Variants in GFRA1 observed in about 807,000 individuals in gnomAD.
GFRA1 encodes GDNF family receptor alpha 1.
A neutral mutation model predicts 51.6 loss-of-function variants in GFRA1; 16 were observed. The observed-to-expected ratio is 0.31, with a 90% CI of 0.21 to 0.47. The LOEUF (loss-of-function observed/expected upper bound fraction) is 0.47, where lower values mean the gene tolerates loss of function less well. Ranked by LOEUF, GFRA1 falls within the 20% of genes least tolerant of loss-of-function variation. The pLI, the probability that GFRA1 is intolerant of heterozygous loss-of-function variation, is 1.00. For synonymous variants in GFRA1, 270 were observed against 241.3 expected (o/e 1.12, Z -1.10); for missense variants, 530 against 594.3 (o/e 0.89, Z 1.13).
chr10:116,222,231 C>T (rs569667650), intron 4 of GFRA1, among the ~76,000 whole-genome samples: 2 of 152,170 alleles, frequency 1.3e-5, no homozygotes, highest in South Asian at 4.2e-4. Flanking sequence ...TAAAGTCTTG[C>T]CCTGTCGCCC....
At chr10:116,239,321 C>T (rs984720355) in intron 4 of GFRA1, among the ~76,000 whole-genome samples, 20 of 152,212 alleles carry the variant, frequency 1.3e-4, no homozygotes, top group African/African-American at 4.6e-4. Context: ...GAAATTCAAG[C>T]GGGGCTTTGC....
intron 5 of GFRA1, among the ~76,000 whole-genome samples, chr10:116,155,149 A>G (rs1959176308): frequency 1.3e-5 from 2 of 152,164 alleles, no homozygotes; most frequent in African/African-American, 4.8e-5. Context: ...ACTCATGACA[A>G]TCCTATGGTT....
chr10:116,130,340 T>G (rs560545251), intron 5 of GFRA1, among the ~76,000 whole-genome samples: 1 of 152,180 alleles, frequency 6.6e-6, no homozygotes, highest in Admixed American at 6.5e-5. Flanking sequence ...GCCAATTTTT[T>G]AAACTCATAT....
intron 5 of GFRA1, among the ~76,000 whole-genome samples, chr10:116,144,042 TGCATCTGACTCCCACATAG>T (rs1477343851): frequency 6.6e-6 from 1 of 152,172 alleles, no homozygotes; most frequent in Non-Finnish European, 1.5e-5. Context: ...CTGGGGAGCT[TGCATCTGACTCCCACATAG>T]ACTGATTTAG....
At chr10:116,131,860 T>C (rs1314536294) in intron 5 of GFRA1, among the ~76,000 whole-genome samples, 3 of 137,424 alleles carry the variant, frequency 2.2e-5, no homozygotes, top group South Asian at 2.2e-4. Flanking sequence ...AACTCAGAGA[T>C]AGTATGCTTA....
chr10:116,225,134 A>C (rs2134521023), intron 4 of GFRA1, among the ~76,000 whole-genome samples: 1 of 152,314 alleles, frequency 6.6e-6, no homozygotes, highest in South Asian at 2.1e-4. Context: ...GTGAGTGGGA[A>C]TTGTAATATG....
At chr10:116,241,518 T>C (rs1235525414) in intron 4 of GFRA1, among the ~76,000 whole-genome samples, 1 of 152,182 alleles carries the variant, frequency 6.6e-6, no homozygotes, top group Non-Finnish European at 1.5e-5. Context: ...AAGTGGTAGC[T>C]CGATGAGCAT....
chr10:116,106,936 T>C (rs1957029325), intron 6 of GFRA1, among the ~76,000 whole-genome samples: 1 of 152,196 alleles, frequency 6.6e-6, no homozygotes, highest in Admixed American at 6.5e-5. Context: ...TCTCTTGCTC[T>C]GGCTCTTGCC....
chr10:116,179,821 C>T lies in GFRA1; in HGVS notation c.433+31810G>A, dbSNP rs766661487. Among the ~76,000 whole-genome samples, 11 of 152,264 alleles carry T rather than the reference C, an allele frequency of 7.2e-5. No individual in the cohort carries two copies. The Middle Eastern group carries it at 0.014, about 188-fold the overall frequency. On this transcript the variant is annotated intron_variant, in intron 5 of 10. Transcript: ENST00000355422. ...TGAAGAATCAGCAGGGCTTTGGAAG[C>T]GAGCAGATGCTGTATACAGAGATGC...
intron 6 of GFRA1, among the ~76,000 whole-genome samples, chr10:116,103,621 A>G (rs1223984452): frequency 6.6e-6 from 1 of 152,222 alleles, no homozygotes; most frequent in East Asian, 1.9e-4. Flanking sequence ...AGGACTAAAT[A>G]TCAGTAAGTT....
At chr10:116,197,383 C>G (rs1963971219) in intron 5 of GFRA1, among the ~76,000 whole-genome samples, 1 of 152,144 alleles carries the variant, frequency 6.6e-6, no homozygotes, top group Admixed American at 6.5e-5. Context: ...TCTTAGACCT[C>G]CCAGCCTCTA....
chr10:116,159,411 G>A (rs1359135632), intron 5 of GFRA1, among the ~76,000 whole-genome samples: 4 of 152,188 alleles, frequency 2.6e-5, no homozygotes, highest in African/African-American at 9.7e-5. Flanking sequence ...GCCTTTATAT[G>A]CTACCATGTA....
At chr10:116,192,463 G>C (rs931108063) in intron 5 of GFRA1, among the ~76,000 whole-genome samples, 1 of 152,120 alleles carries the variant, frequency 6.6e-6, no homozygotes, top group East Asian at 1.9e-4. Flanking sequence ...CCCCACTTTC[G>C]GGGTCATTCC....
chr10:116,066,426 G>A (rs1008144348), intron 9 of GFRA1, among the ~76,000 whole-genome samples: 1 of 152,148 alleles, frequency 6.6e-6, no homozygotes, highest in Non-Finnish European at 1.5e-5. Flanking sequence ...AGGGGACTGA[G>A]CTGTGAAAGC....
chr10:116,241,911 C>A (rs1291696058), intron 4 of GFRA1, among the ~76,000 whole-genome samples: 1 of 152,042 alleles, frequency 6.6e-6, no homozygotes, highest in Non-Finnish European at 1.5e-5. Flanking sequence ...GCTGCCAAAC[C>A]CTAAGCAAGA....
intron 4 of GFRA1, among the ~76,000 whole-genome samples, chr10:116,267,951 ACAC>A (rs770883490): frequency 4.0e-5 from 6 of 151,154 alleles, no homozygotes; most frequent in East Asian, 1.9e-4. Flanking sequence ...ACACACACAC[ACAC>A]ACACACACAC....
intron 5 of GFRA1, among the ~76,000 whole-genome samples, chr10:116,137,203 G>A (rs902216229): frequency 1.3e-5 from 2 of 152,080 alleles, no homozygotes; most frequent in African/African-American, 4.8e-5. Flanking sequence ...TTCTGGCCTC[G>A]GTATGCATAG....
At chr10:116,090,279 T>C (rs2530345) in intron 8 of GFRA1, among the ~76,000 whole-genome samples, 91,453 of 151,790 alleles carry the variant, frequency 0.6, 28,163 homozygotes, top group Non-Finnish European at 0.68. Flanking sequence ...GGATCATAAC[T>C]GTCCCATTTT....
chr10:116,102,409 G>GC (rs1188247505), intron 6 of GFRA1, among the ~76,000 whole-genome samples: 1 of 152,156 alleles, frequency 6.6e-6, no homozygotes, highest in Admixed American at 6.5e-5. Flanking sequence ...AGTGAATTAG[G>GC]CCCCCCTTTA....
Sources: allele counts gnomAD v4.1 joint callset (sites outside exome capture counted in the v4.1 genomes callset), GRCh38; gene constraint gnomAD v4.1.1; transcripts MANE v1.5; gene names NCBI Gene and HGNC (gene_info 2026-07-23, HGNC 2026-07-21).